The following ARK2C variants were observed in gnomAD, a reference collection of about 807,000 sequenced individuals.
ARK2C encodes arkadia (RNF111) C-terminal like ring finger ubiquitin ligase 2C, also known as E3 ubiquitin-protein ligase ARK2C.
chr18:46,382,504 A>C, the ARK2C span, among the ~76,000 whole-genome samples: 1 of 152,102 alleles, frequency 6.6e-6, no homozygotes, highest in East Asian at 1.9e-4. Context: ...AAATCAATAC[A>C]TTCATCTAGT....
At chr18:46,454,529 C>A in the ARK2C span, among the ~76,000 whole-genome samples, 1 of 152,152 alleles carries the variant, frequency 6.6e-6, no homozygotes. Context: ...TAGGGCACAG[C>A]GAGGCAGAGA....
the ARK2C span, among the ~76,000 whole-genome samples, chr18:46,348,900 CTGTGTGTGTGTGTGTGTG>C: frequency 1.2e-4 from 18 of 144,596 alleles, no homozygotes; most frequent in Non-Finnish European, 2.0e-4. Context: ...CTCTCTCTTT[CTGTGTGTGTGTGTGTGTG>C]TGTGTGTGTG....
chr18:46,352,981 A>G, the ARK2C span, among the ~76,000 whole-genome samples: 12 of 152,254 alleles, frequency 7.9e-5, no homozygotes, highest in African/African-American at 2.9e-4. Context: ...TGTGGGTGGG[A>G]CTAGCATGCC....
the ARK2C span, among the ~76,000 whole-genome samples, chr18:46,397,619 C>A: frequency 5.0e-5 from 4 of 79,740 alleles, no homozygotes; most frequent in Admixed American, 5.9e-4. Context: ...TGTGGTCATG[C>A]TGAGGTGTGA....
chr18:46,372,160 G>T, the ARK2C span, among the ~76,000 whole-genome samples: 1 of 152,180 alleles, frequency 6.6e-6, no homozygotes, highest in African/African-American at 2.4e-5. Context: ...GCTGGACGGG[G>T]CTATACCTCA....
At chr18:46,342,948 C>G in the ARK2C span, among the ~76,000 whole-genome samples, 1 of 152,170 alleles carries the variant, frequency 6.6e-6, no homozygotes, top group South Asian at 2.1e-4. Context: ...TTTACATTCT[C>G]TATTTCCTAT....
At chr18:46,402,798 G>T in the ARK2C span, among the ~76,000 whole-genome samples, 1 of 152,148 alleles carries the variant, frequency 6.6e-6, no homozygotes, top group Admixed American at 6.5e-5. Flanking sequence ...ACCACGCCTG[G>T]CCCCATTCTC....
At chr18:46,396,126 TTAGG>T in the ARK2C span, among the ~76,000 whole-genome samples, 1 of 152,218 alleles carries the variant, frequency 6.6e-6, no homozygotes, top group African/African-American at 2.4e-5. Flanking sequence ...CCTTTGGGGC[TTAGG>T]CTTGGAGCTA....
the ARK2C span, chr18:46,335,889 T>C: frequency 1.0e-6 from 1 of 985,076 alleles, no homozygotes; most frequent in African/African-American, 1.7e-5. Flanking sequence ...ATTGTGTAGC[T>C]CAGTGAATGG....
chr18:46,362,332 C>T, the ARK2C span, among the ~76,000 whole-genome samples: 1 of 152,202 alleles, frequency 6.6e-6, no homozygotes, highest in Non-Finnish European at 1.5e-5. Flanking sequence ...GTCTCAGGGC[C>T]TGCTAGGTGA....
chr18:46,446,524 A>G, the ARK2C span, among the ~76,000 whole-genome samples: 1 of 151,942 alleles, frequency 6.6e-6, no homozygotes, highest in Non-Finnish European at 1.5e-5. Context: ...TACAAAAGTT[A>G]TCCGGGCGTG....
chr18:46,356,250 G>C, the ARK2C span, among the ~76,000 whole-genome samples: 1 of 152,212 alleles, frequency 6.6e-6, no homozygotes, highest in African/African-American at 2.4e-5. Flanking sequence ...TTCTAGGTGC[G>C]GAGGATGCAG....
chr18:46,389,475 G>A, the ARK2C span, among the ~76,000 whole-genome samples: 1 of 152,202 alleles, frequency 6.6e-6, no homozygotes, highest in South Asian at 2.1e-4. Context: ...ATATGTAGGA[G>A]TGAGAGGGAC....
At chr18:46,453,603 A>G in the ARK2C span, among the ~76,000 whole-genome samples, 1 of 152,152 alleles carries the variant, frequency 6.6e-6, no homozygotes, top group African/African-American at 2.4e-5. Context: ...TAAAATGTGG[A>G]AAAAACCCTT....
the ARK2C span, chr18:46,433,326 C>T: frequency 6.2e-7 from 1 of 1,612,342 alleles, no homozygotes; most frequent in South Asian, 1.1e-5. Context: ...GCCTCAGCGC[C>T]CACATGGCCC....
At chr18:46,425,377 TCC>T in the ARK2C span, among the ~76,000 whole-genome samples, 1 of 152,196 alleles carries the variant, frequency 6.6e-6, no homozygotes, top group Non-Finnish European at 1.5e-5. Flanking sequence ...AAGGCCATCA[TCC>T]CTGGGGTAGC....
the ARK2C span, among the ~76,000 whole-genome samples, chr18:46,359,277 G>A: frequency 1.3e-5 from 2 of 152,202 alleles, no homozygotes; most frequent in African/African-American, 4.8e-5. Flanking sequence ...TCTGCTGGGA[G>A]AGAGGGATCT....
the ARK2C span, among the ~76,000 whole-genome samples, chr18:46,355,912 G>C: frequency 6.6e-6 from 1 of 152,192 alleles, no homozygotes; most frequent in African/African-American, 2.4e-5. Context: ...CAATGGTGAT[G>C]ATGATGATGA....
chr18:46,451,109 T>G, the ARK2C span, among the ~76,000 whole-genome samples: 6 of 152,144 alleles, frequency 3.9e-5, no homozygotes, highest in Non-Finnish European at 8.8e-5. Context: ...ACATAAATAC[T>G]TGTCTCTAAA....
Sources: gnomAD v4.1 joint callset for allele counts (sites outside exome capture counted in the v4.1 genomes callset) on GRCh38, gnomAD v4.1.1 for gene constraint, MANE v1.5 for transcripts, NCBI Gene and HGNC (gene_info 2026-07-23, HGNC 2026-07-21) for gene names.